The following AIMP1 variants were observed in gnomAD, a reference collection of about 807,000 sequenced individuals.
AIMP1 encodes aminoacyl tRNA synthetase complex interacting multifunctional protein 1.
A neutral mutation model predicts 33.1 loss-of-function variants in AIMP1; 24 were observed. The ratio of observed to expected loss-of-function variants is 0.73; its 90% confidence interval spans 0.53 to 1.02. The LOEUF (loss-of-function observed/expected upper bound fraction) is 1.02. Among genes scored for constraint, AIMP1 ranks in the 50% least tolerant of loss-of-function variants. AIMP1 has a pLI of 0.00. For missense variants in AIMP1, 367 were observed against 364.8 expected (o/e 1.01, Z -0.05); for synonymous variants, 120 against 121.5 (o/e 0.99, Z 0.08).
intron 4 of AIMP1, among the ~76,000 whole-genome samples, chr4:106,330,911 C>T (rs1475022720): frequency 2.0e-5 from 3 of 152,144 alleles, no homozygotes; most frequent in South Asian, 2.1e-4. Flanking sequence ...ACAATTAACT[C>T]AGTAGCTAAA....
chr4:106,332,188 A>G (rs1579637608), intron 5 of AIMP1, among the ~76,000 whole-genome samples: 1 of 152,114 alleles, frequency 6.6e-6, no homozygotes, highest in Non-Finnish European at 1.5e-5. Context: ...GTGTATATAT[A>G]TATAAAATAT....
intron 1 of AIMP1, among the ~76,000 whole-genome samples, chr4:106,323,571 C>T (rs2125920209): frequency 6.8e-6 from 1 of 147,578 alleles, no homozygotes; most frequent in South Asian, 2.1e-4. Flanking sequence ...GAGAAAATAT[C>T]TTAATAGAAA....
At position 106,331,945 on chromosome 4, in the gene AIMP1, G is replaced by C. The variant is rs74360888; in HGVS notation, c.603+62G>C. ...CAACATTTTCATTCCCTCCTTCTTG[G>C]TATCTTTCCATTATAATTTTGTATA... On this transcript the variant is annotated intron_variant, in intron 5 of 6. Transcript: ENST00000672341. 204 of 1,449,416 alleles carry C rather than the reference G, an allele frequency of 1.4e-4. 1 individual carries two copies. The East Asian group carries it at 3.2e-3, about 23-fold the overall frequency. 89.8% of individuals were successfully genotyped at this position (1,449,416 alleles called of 1,614,324 possible). A position where few individuals can be genotyped will look rare whatever the true frequency, so the allele number is the denominator to read the frequency against.
chr4:106,336,859 T>C lies in AIMP1; in HGVS notation c.604-10T>C, dbSNP rs537063809. Reference sequence around the variant, plus strand: ...GTACATCTTTACTTACCAGTTTATATTTCACACAGATGCAAAATCGGATGG... The same window carrying C: ...GTACATCTTTACTTACCAGTTTATACTTCACACAGATGCAAAATCGGATGG... On this transcript the variant is annotated splice_polypyrimidine_tract_variant and intron_variant, in intron 5 of 6. Transcript: ENST00000672341. 73 of 1,613,306 alleles carry C rather than the reference T, an allele frequency of 4.5e-5. No individual in the cohort carries two copies. Among genetic ancestry groups the C allele is most frequent in the Non-Finnish European group, 6.0e-5 (71 of 1,179,462 alleles).
At chr4:106,327,973 A>AT (rs1769518229) in intron 3 of AIMP1, 103 bp from the exon 4 acceptor site, 1 of 1,514,620 alleles carries the variant, frequency 6.6e-7, no homozygotes. Context: ...TATACAGTGA[A>AT]TTTTTCATTT....
chr4:106,319,762 T>G (rs1769130785), intron 1 of AIMP1, among the ~76,000 whole-genome samples: 1 of 152,216 alleles, frequency 6.6e-6, no homozygotes, highest in African/African-American at 2.4e-5. Context: ...AGACTTAAAC[T>G]AGCATTTCCT....
chr4:106,347,288 A>G (rs1770340354), intron 6 of AIMP1, among the ~76,000 whole-genome samples: 1 of 152,178 alleles, frequency 6.6e-6, no homozygotes, highest in Admixed American at 6.5e-5. Flanking sequence ...CTTATAAAAT[A>G]TAAGAGTAAA....
chr4:106,336,845 C>T (rs1769903401), intron 5 of AIMP1, 24 bp from the exon 6 acceptor site: 1 of 1,608,126 alleles, frequency 6.2e-7, no homozygotes. Context: ...TACATCTTTA[C>T]TTACCAGTTT....
chr4:106,329,118 G>A (rs1346225046), intron 4 of AIMP1, among the ~76,000 whole-genome samples: 2 of 144,712 alleles, frequency 1.4e-5, no homozygotes, highest in African/African-American at 5.1e-5. Flanking sequence ...AGCCTCTAAA[G>A]CACTTGCCAG....
chr4:106,324,782 T>C (rs1184967387), intron 1 of AIMP1, among the ~76,000 whole-genome samples: 1 of 152,168 alleles, frequency 6.6e-6, no homozygotes, highest in Non-Finnish European at 1.5e-5. Context: ...ATATTTCCTC[T>C]TCTAAGTAGA....
At chr4:106,316,630 TCGC>T (rs1561017379) in intron 1 of AIMP1, 36 bp downstream of exon 1, 9 of 1,548,220 alleles carry the variant, frequency 5.8e-6, no homozygotes, top group Non-Finnish European at 7.9e-6. Context: ...CACTCGGGGA[TCGC>T]CGATTGCGAT....
chr4:106,329,316 G>A (rs1769578442), intron 4 of AIMP1, among the ~76,000 whole-genome samples: 1 of 152,148 alleles, frequency 6.6e-6, no homozygotes, highest in South Asian at 2.1e-4. Context: ...TGCAAATTTG[G>A]TGGAATCCAT....
intron 6 of AIMP1, among the ~76,000 whole-genome samples, chr4:106,339,299 C>T (rs997614237): frequency 6.6e-6 from 1 of 152,148 alleles, no homozygotes; most frequent in Non-Finnish European, 1.5e-5. Flanking sequence ...GCTGTGTCCC[C>T]ACCCAAATCT....
Position 106,327,486 on chromosome 4 carries a change from C to G in AIMP1, c.145C>G (p.Arg49Gly). The change falls in exon 3 of 7, where the codon CGA becomes GGA. Residue 49 changes from arginine to glycine, a missense_variant. Physicochemically the swap from Arg to Gly is moderately radical, Grantham distance 125. Transcript: ENST00000672341. ...AACTTTGAGGGAAGAGAAGAAACTT[C>G]GAGTTGAAAATGCTAAACTGAAGAA... is the stretch of plus-strand genomic sequence containing the variant. ...QATLREEKKLRVENAKLKKEI... is the reference protein window; with the variant it reads ...QATLREEKKLGVENAKLKKEI... 1 of 1,612,660 alleles carries G rather than the reference C, an allele frequency of 6.2e-7. No homozygotes were observed. The highest frequency in any genetic ancestry group is 1.7e-5 in the Admixed American group (1 of 59,962).
intron 1 of AIMP1, among the ~76,000 whole-genome samples, chr4:106,317,860 G>A (rs1419883017): frequency 2.0e-5 from 3 of 152,146 alleles, no homozygotes; most frequent in Admixed American, 1.3e-4. Flanking sequence ...TTAATGACAA[G>A]GTATGTAATG....
intron 6 of AIMP1, among the ~76,000 whole-genome samples, chr4:106,337,608 TGAGAATA>T (rs1331125579): frequency 1.3e-5 from 2 of 152,142 alleles, no homozygotes; most frequent in Non-Finnish European, 2.9e-5. Flanking sequence ...ATTAGCAGCG[TGAGAATA>T]GACTAATACA....
intron 4 of AIMP1, among the ~76,000 whole-genome samples, chr4:106,331,104 A>G (rs1485351177): frequency 1.3e-5 from 2 of 152,230 alleles, no homozygotes; most frequent in African/African-American, 4.8e-5. Context: ...ACTAGTGTAT[A>G]TAAGTGAGGA....
chr4:106,316,863 A>T, intron 1 of AIMP1: 1 of 427,456 alleles, frequency 2.3e-6, no homozygotes, highest in Non-Finnish European at 4.2e-6. Context: ...CTGTTATGTG[A>T]ATGTGTGTGT....
rs59016309 is a variant in AIMP1, at chr4:106,329,772, CTTTTTTTTTTTTTTTTTT to C, written c.391+1542_391+1559del. Among the ~76,000 whole-genome samples, 14 of 53,086 alleles carry C rather than the reference CTTTTTTTTTTTTTTTTTT, an allele frequency of 2.6e-4. No individual in the cohort carries two copies. In the South Asian group the frequency reaches 3.2e-3, roughly 12 times the overall value. 34.8% of individuals were successfully genotyped at this position (53,086 alleles called of 152,430 possible). ...ATGATCTTTCTAGACTGCTACATAT[CTTTTTTTTTTTTTTTTTT>C]TTTTTTTTTTTTGGAGACGGAGTCT... is the stretch of plus-strand genomic sequence containing the variant. On this transcript the variant is annotated intron_variant, in intron 4 of 6. Transcript: ENST00000672341.
Sources: gnomAD v4.1 joint callset for allele counts (sites outside exome capture counted in the v4.1 genomes callset) on GRCh38, gnomAD v4.1.1 for gene constraint, MANE v1.5 for transcripts, NCBI Gene and HGNC (gene_info 2026-07-23, HGNC 2026-07-21) for gene names.